EFCAB5: variants seen among roughly 807,000 people sequenced by gnomAD.
The protein encoded by EFCAB5 is EF-hand calcium-binding domain-containing protein 5.
A neutral mutation model predicts 167.9 loss-of-function variants in EFCAB5; 131 were observed. The observed-to-expected ratio is 0.78, with a 90% CI of 0.68 to 0.90. The LOEUF (loss-of-function observed/expected upper bound fraction) is 0.90. Among genes scored for constraint, EFCAB5 ranks in the 40% least tolerant of loss-of-function variants. The pLI is 0.00. For missense variants in EFCAB5, 1,663 were observed against 1,745.2 expected (o/e 0.95, Z 0.84); for synonymous variants, 574 against 602.8 (o/e 0.95, Z 0.70).
intron 7 of EFCAB5, among the ~76,000 whole-genome samples, chr17:30,033,953 G>A (rs2069549031): frequency 6.6e-6 from 1 of 152,196 alleles, no homozygotes; most frequent in African/African-American, 2.4e-5. Context: ...TGTGAGGAAA[G>A]TCTGCCCTAT....
chr17:30,008,944 T>C (rs1252784998), intron 7 of EFCAB5, among the ~76,000 whole-genome samples: 4 of 152,034 alleles, frequency 2.6e-5, no homozygotes, highest in South Asian at 2.1e-4. Flanking sequence ...CTCAGGAGGG[T>C]CTGTGGAAGA....
intron 8 of EFCAB5, among the ~76,000 whole-genome samples, chr17:30,038,492 A>T (rs2069684048): frequency 6.6e-6 from 1 of 152,216 alleles, no homozygotes; most frequent in Admixed American, 6.5e-5. Flanking sequence ...TCTGATGGAG[A>T]TGTACAAGGA....
At chr17:29,983,629 C>A (rs1208698130) in intron 4 of EFCAB5, among the ~76,000 whole-genome samples, 1 of 152,194 alleles carries the variant, frequency 6.6e-6, no homozygotes, top group Non-Finnish European at 1.5e-5. Flanking sequence ...TATGTCTACC[C>A]TGTACTGCCC....
chr17:29,994,067 G>A (rs928247761), intron 5 of EFCAB5, among the ~76,000 whole-genome samples: 2 of 145,574 alleles, frequency 1.4e-5, no homozygotes. Context: ...TCATGCCACT[G>A]CACTCCAGCC....
chr17:29,930,956 C>T (rs942222865), intron 1 of EFCAB5, among the ~76,000 whole-genome samples: 3 of 152,158 alleles, frequency 2.0e-5, no homozygotes, highest in South Asian at 2.1e-4. Flanking sequence ...ACAGGATTTG[C>T]TCGTTAAGCT....
chr17:29,992,548 G>A (rs797003903), intron 4 of EFCAB5, among the ~76,000 whole-genome samples: 36 of 152,168 alleles, frequency 2.4e-4, no homozygotes, highest in African/African-American at 7.0e-4. Flanking sequence ...GGGTTTTGCC[G>A]TGTTAGCCAA....
At chr17:30,062,254 G>C (rs185980299) in intron 14 of EFCAB5, among the ~76,000 whole-genome samples, 159 of 152,252 alleles carry the variant, frequency 1.0e-3, no homozygotes, top group Middle Eastern at 3.4e-3. Flanking sequence ...CTGAGGGAGA[G>C]TGCCATCTTG....
intron 5 of EFCAB5, among the ~76,000 whole-genome samples, chr17:29,993,995 T>C (rs1193753494): frequency 6.6e-6 from 1 of 150,978 alleles, no homozygotes; most frequent in Non-Finnish European, 1.5e-5. Flanking sequence ...TTCCAGCTTC[T>C]TGGGTGGCTG....
intron 1 of EFCAB5, among the ~76,000 whole-genome samples, chr17:29,936,236 C>T (rs1259879346): frequency 2.0e-5 from 3 of 151,884 alleles, no homozygotes; most frequent in African/African-American, 4.8e-5. Flanking sequence ...TGTTCTCACT[C>T]ATAGGTGGGA....
intron 8 of EFCAB5, among the ~76,000 whole-genome samples, chr17:30,036,624 C>T (rs4375718): frequency 0.47 from 71,362 of 151,496 alleles, 17,188 homozygotes; most frequent in Non-Finnish European, 0.51. Flanking sequence ...AACAGAGTCC[C>T]ACTATGTTGC....
intron 3 of EFCAB5, among the ~76,000 whole-genome samples, chr17:29,953,557 T>C (rs1307442316): frequency 1.3e-5 from 2 of 152,216 alleles, no homozygotes; most frequent in Non-Finnish European, 1.5e-5. Flanking sequence ...CTTTGCTCCT[T>C]CTTTGCCTTC....
chr17:30,081,064 T>G, intron 17 of EFCAB5, 83 bp downstream of exon 17: 1 of 1,083,590 alleles, frequency 9.2e-7, no homozygotes, highest in Non-Finnish European at 1.4e-6. Context: ...TGAAATCCGA[T>G]GAGAGTAAAG....
chr17:30,051,938 A>C (rs2070110189), intron 9 of EFCAB5, among the ~76,000 whole-genome samples: 1 of 152,174 alleles, frequency 6.6e-6, no homozygotes, highest in Non-Finnish European at 1.5e-5. Flanking sequence ...GTTATTTCCA[A>C]AACAAGTACA....
At chr17:30,004,997 GTTT>G (rs1341098173) in intron 7 of EFCAB5, among the ~76,000 whole-genome samples, 1 of 151,858 alleles carries the variant, frequency 6.6e-6, no homozygotes, top group African/African-American at 2.4e-5. Flanking sequence ...AATCTCTGTT[GTTT>G]AAGTCACCCA....
rs1000984644 is a variant in EFCAB5 at position 30,082,935 on chromosome 17, C to T, written c.3471C>T (p.Ser1157=). Residue 1157 remains serine (S), a synonymous_variant, in exon 18 of 23, where the codon AGC becomes AGT. Coordinates refer to ENST00000394835, the MANE Select transcript of EFCAB5 (RefSeq NM_198529.4). ...GCACTGCCTATCACTACGTCCACAG[C>T]CGGGAGCACATTCTGCATATTGTGA... ...VFSTAYHYVH[S]REHILHIVIT... 1.2e-5 allele frequency: 19 copies of T among 1,613,830 alleles called. No homozygotes were observed. Among genetic ancestry groups the T allele is most frequent in the Non-Finnish European group, 1.5e-5 (18 of 1,179,888 alleles).
chr17:30,096,772 C>A (rs1275167235), intron 22 of EFCAB5, among the ~76,000 whole-genome samples: 1 of 145,226 alleles, frequency 6.9e-6, no homozygotes, highest in African/African-American at 2.5e-5. Context: ...CTCTGACTCC[C>A]GGGTTCAAGA....
chr17:29,996,635 A>G (rs1238765994), intron 6 of EFCAB5, among the ~76,000 whole-genome samples: 1 of 152,212 alleles, frequency 6.6e-6, no homozygotes, highest in Non-Finnish European at 1.5e-5. Context: ...TCTTACATAC[A>G]TAGAATTTTA....
intron 14 of EFCAB5, chr17:30,069,520 C>G: frequency 6.2e-7 from 1 of 1,609,150 alleles, no homozygotes; most frequent in Non-Finnish European, 8.5e-7. Flanking sequence ...TCAAGGAAGG[C>G]AACGAAGACA....
At chr17:30,096,677 A>ATATATATATTTTTTT (rs1193558323) in intron 22 of EFCAB5, among the ~76,000 whole-genome samples, 3 of 60,120 alleles carry the variant, frequency 5.0e-5, no homozygotes, top group African/African-American at 2.5e-4. Context: ...ATATATATAT[A>ATATATATATTTTTTT]TTTTTTTTTT....
Sources: allele counts gnomAD v4.1 joint callset (sites outside exome capture counted in the v4.1 genomes callset), GRCh38; gene constraint gnomAD v4.1.1; transcripts MANE v1.5; gene names NCBI Gene and HGNC (gene_info 2026-07-23, HGNC 2026-07-21).